Variants in DLK1 observed in about 807,000 individuals in gnomAD.
DLK1 encodes the protein delta like non-canonical Notch ligand 1.
DLK1 carries 9 observed loss-of-function variants against 35.2 expected under a neutral mutation model. The observed-to-expected ratio is 0.26, with a 90% CI of 0.15 to 0.45. DLK1 has a LOEUF of 0.45. Among genes scored for constraint, DLK1 ranks in the 20% least tolerant of loss-of-function variants. The pLI is 1.00. For synonymous variants in DLK1, 231 were observed against 228.4 expected, an observed-to-expected ratio of 1.01 and a Z score of -0.10; for missense variants, 522 against 528.5, an observed-to-expected ratio of 0.99 and a Z score of 0.12.
At position 100,726,995 on chromosome 14, in the gene DLK1, G is replaced by C; in HGVS notation, c.-74G>C. 7.1e-7 allele frequency: 1 copy of C among 1,416,764 alleles called. No homozygotes were observed. The highest frequency in any genetic ancestry group is 1.5e-5 in the South Asian group (1 of 68,474). The allele number at this position is 1,416,764 out of a possible 1,614,324, so 87.8% of individuals were successfully genotyped here. A position where few individuals can be genotyped will look rare whatever the true frequency, so the allele number is the denominator to read the frequency against. ...GCGCCCCCTTTCGCGTCCGCAACCA[G>C]AAGCCCAGTGCGGCGCCAGGAGCCG... On this transcript the variant is annotated 5_prime_UTR_variant, in exon 1 of 5. Transcript: ENST00000341267. This position sits in a 1 kb window ranked among gnomAD's most constrained non-coding sequence, Gnocchi z 4.2.
chr14:100,727,462 G>A (rs1012262311), intron 1 of DLK1, among the ~76,000 whole-genome samples: 3 of 152,174 alleles, frequency 2.0e-5, no homozygotes, highest in Non-Finnish European at 2.9e-5. Flanking sequence ...AAATACTCTG[G>A]GGTGCAACTT....
rs1474807731 is a variant in DLK1 at position 100,736,488 on chromosome 14, A to G, written c.*1592A>G. On this transcript the variant is annotated 3_prime_UTR_variant, in exon 5 of 5. Coordinates refer to ENST00000341267, the MANE Select transcript of DLK1 (RefSeq NM_003836.7). ...TCCATTGGTCACCTGCGCCATCGTCATGACACAATATCGACCTCATCACCT... is the reference window on the plus strand; with the variant it reads ...TCCATTGGTCACCTGCGCCATCGTCGTGACACAATATCGACCTCATCACCT... The G allele has an allele frequency of 6.6e-6, 1 of 152,102 alleles. No homozygotes were observed. The highest frequency in any genetic ancestry group is 1.5e-5 in the Non-Finnish European group (1 of 68,084). The allele number at this position is 152,102 out of a possible 1,614,324, so 9.4% of individuals were successfully genotyped here. A position where few individuals can be genotyped will look rare whatever the true frequency, so the allele number is the denominator to read the frequency against.
chr14:100,728,499 C>T (rs1347447367), intron 2 of DLK1, 40 bp downstream of exon 2: 3 of 1,609,870 alleles, frequency 1.9e-6, no homozygotes, highest in South Asian at 1.1e-5. Context: ...GTAGGGGCCA[C>T]GCAGAAGCCT....
chr14:100,734,334 C>T lies in DLK1; in HGVS notation c.590C>T (p.Pro197Leu). ...DIGGDFRCRC[P>L]AGFIDKTCSR... ...GGGGGCGACTTCCGCTGCCGGTGCC[C>T]AGCCGGCTTCATCGACAAGACCTGC... The change falls in exon 5 of 5, where the codon CCA becomes CTA. Residue 197 changes from proline (P) to leucine (L), a missense_variant. Coordinates refer to ENST00000341267, the MANE Select transcript of DLK1 (RefSeq NM_003836.7). The surrounding 1 kb of genome is among the most constrained non-coding windows in gnomAD (Gnocchi z 7.4). 1.2e-6 allele frequency: 2 copies of T among 1,612,992 alleles called. No individual in the cohort carries two copies. Among genetic ancestry groups the T allele is most frequent in the African/African-American group, 1.3e-5 (1 of 75,016 alleles).
intron 3 of DLK1, among the ~76,000 whole-genome samples, chr14:100,730,958 A>C (rs2036500247): frequency 6.8e-6 from 1 of 147,234 alleles, no homozygotes; most frequent in African/African-American, 2.5e-5. Context: ...AGCACGGGGG[A>C]TTTCCCCTCC....
intron 3 of DLK1, among the ~76,000 whole-genome samples, chr14:100,731,636 C>G (rs2036508298): frequency 6.6e-6 from 1 of 152,140 alleles, no homozygotes; most frequent in Non-Finnish European, 1.5e-5. Flanking sequence ...GCCAGGACCC[C>G]TCCCCTAACA....
rs2036589822 is a variant in DLK1, at chr14:100,737,731, C to G, written c.*2835C>G. The stretch of plus-strand genomic sequence containing the variant: ...GTCACATGCCGTGGGAGTGGAGGGT[C>G]TTGAGCAGACGCCTCCCTTGGAGAA... On this transcript the variant is annotated 3_prime_UTR_variant, in exon 5 of 5. Coordinates refer to ENST00000341267, the MANE Select transcript of DLK1 (RefSeq NM_003836.7). 6.6e-6 allele frequency: 1 copy of G among 152,202 alleles called. No homozygotes were observed. Among genetic ancestry groups the G allele is most frequent in the Admixed American group, 6.5e-5 (1 of 15,290 alleles). The allele number at this position is 152,202 out of a possible 1,614,324, so 9.4% of individuals were successfully genotyped here. A position where few individuals can be genotyped will look rare whatever the true frequency, so the allele number is the denominator to read the frequency against.
rs768199458 is a variant in DLK1, at chr14:100,734,348, G to T, written c.604G>T (p.Asp202Tyr). ...CTGCCGGTGCCCAGCCGGCTTCATC[G>T]ACAAGACCTGCAGCCGCCCGGTGAC... is the stretch of plus-strand genomic sequence containing the variant. Reference protein sequence around the residue: ...FRCRCPAGFIDKTCSRPVTNC... With the variant: ...FRCRCPAGFIYKTCSRPVTNC... Residue 202 changes from aspartate to tyrosine, a missense_variant, in exon 5 of 5, where the codon GAC (aspartate) becomes TAC (tyrosine). Coordinates refer to ENST00000341267, the MANE Select transcript of DLK1 (RefSeq NM_003836.7). This position sits in a 1 kb window ranked among gnomAD's most constrained non-coding sequence, Gnocchi z 7.4. 27 of 1,612,772 alleles carry T rather than the reference G, an allele frequency of 1.7e-5. No individual in the cohort carries two copies. Among genetic ancestry groups the T allele is most frequent in the Non-Finnish European group, 2.2e-5 (26 of 1,179,846 alleles).
chr14:100,728,632 G>GT (rs2036468105), intron 2 of DLK1, 173 bp downstream of exon 2: 3 of 258,960 alleles, frequency 1.2e-5, no homozygotes, highest in Admixed American at 4.5e-5. Flanking sequence ...GGCGGGGGGG[G>GT]GGCAGCCACA....
intron 1 of DLK1, among the ~76,000 whole-genome samples, chr14:100,727,542 A>T (rs964241553): frequency 1.3e-5 from 2 of 152,114 alleles, no homozygotes; most frequent in Non-Finnish European, 2.9e-5. Flanking sequence ...TTGCCGTCTT[A>T]GCCCCCAATT....
Position 100,734,644 on chromosome 14 carries a change from C to T in DLK1, c.900C>T (p.Thr300=), listed in dbSNP as rs142868728. The change falls in exon 5 of 5, where the codon ACC becomes ACT. Residue 300 remains threonine, a synonymous_variant. Coordinates refer to ENST00000341267, the MANE Select transcript of DLK1 (RefSeq NM_003836.7). The surrounding 1 kb of genome is among the most constrained non-coding windows in gnomAD (Gnocchi z 7.4). ...TCAACAAGAAAACCCCTCTCCTCAC[C>T]GAGGGCCAGGCCATCTGCTTCACCA... The part of the protein sequence containing the change: ...KELNKKTPLL[T]EGQAICFTIL... The T allele has an allele frequency of 8.5e-4, 1,376 of 1,613,976 alleles. 1 individual carries two copies. Among genetic ancestry groups the T allele is most frequent in the Non-Finnish European group, 1.0e-3 (1,239 of 1,180,020 alleles).
chr14:100,736,306 C>T lies in DLK1; in HGVS notation c.*1410C>T, dbSNP rs554758792. 1.3e-5 allele frequency: 2 copies of T among 151,932 alleles called. No homozygotes were observed. The highest frequency in any genetic ancestry group is 4.2e-4 in the South Asian group (2 of 4,816). 9.4% of individuals were successfully genotyped at this position (151,932 alleles called of 1,614,324 possible). A position where few individuals can be genotyped will look rare whatever the true frequency, so the allele number is the denominator to read the frequency against. On this transcript the variant is annotated 3_prime_UTR_variant, in exon 5 of 5. Transcript: ENST00000341267. ...TTGGGTACCAGATAGGAATATTTTG[C>T]TTCTTAGATTATTTGGATAAGAATC...
rs1369073673 is a variant in DLK1 at position 100,734,581 on chromosome 14, G to A, written c.837G>A (p.Gln279=). The A allele has an allele frequency of 3.7e-6, 6 of 1,613,658 alleles. No individual in the cohort carries two copies. The highest frequency in any genetic ancestry group is 1.1e-5 in the South Asian group (1 of 91,086). ...GGGTGCACGAGCTGCCGGTGCAGCAGCCGGAGCACCGCATCCTGAAGGTGT... is the reference window on the plus strand; with the variant it reads ...GGGTGCACGAGCTGCCGGTGCAGCAACCGGAGCACCGCATCCTGAAGGTGT... ...TPGVHELPVQ[Q]PEHRILKVSM... is the part of the protein sequence containing the mutation. Residue 279 remains glutamine, a synonymous_variant, in exon 5 of 5, where the codon CAG becomes CAA. Coordinates refer to ENST00000341267, the MANE Select transcript of DLK1 (RefSeq NM_003836.7). This position sits in a 1 kb window ranked among gnomAD's most constrained non-coding sequence, Gnocchi z 7.4.
In DLK1 at chr14:100,728,466, G is replaced by A. The variant is rs1192461509; in HGVS notation, c.131+7G>A. On this transcript the variant is annotated splice_region_variant and intron_variant, in intron 2 of 4. Transcript: ENST00000341267. Reference sequence around the variant, plus strand: ...AGGATGACAATGTTTGCAGGTAATAGAGTGGCTCCTCAGAGGCAGCTTGTA... The same window carrying A: ...AGGATGACAATGTTTGCAGGTAATAAAGTGGCTCCTCAGAGGCAGCTTGTA... 6.2e-7 allele frequency: 1 copy of A among 1,614,030 alleles called. No individual in the cohort carries two copies. Among genetic ancestry groups the A allele is most frequent in the East Asian group, 2.2e-5 (1 of 44,872 alleles).
rs572314059 is a variant in DLK1 at position 100,732,248 on chromosome 14, T to G, written c.404+65T>G. On this transcript the variant is annotated intron_variant, in intron 4 of 4. Coordinates refer to ENST00000341267, the MANE Select transcript of DLK1 (RefSeq NM_003836.7). ...TTTCATGCGGCCACCAAAGACCCTT[T>G]CAGCCTAACCCTGCTGGACCTGTCG... The G allele has an allele frequency of 2.0e-5, 31 of 1,571,872 alleles. 1 individual carries two copies. In the East Asian group the frequency reaches 6.9e-4, roughly 35 times the overall value.
Position 100,734,018 on chromosome 14 carries a change from C to T in DLK1, c.405-131C>T. On this transcript the variant is annotated intron_variant, in intron 4 of 4. Transcript: ENST00000341267. This position sits in a 1 kb window ranked among gnomAD's most constrained non-coding sequence, Gnocchi z 7.4. ...GCTGGCGTTCCCTCCCTCGCTCCCT[C>T]ATTCACCTGATGTGTTTTAAGCACC... 1.5e-5 allele frequency: 18 copies of T among 1,218,936 alleles called. 1 individual carries two copies. The highest frequency in any genetic ancestry group is 2.0e-5 in the Non-Finnish European group (18 of 919,068). 75.5% of individuals were successfully genotyped at this position (1,218,936 alleles called of 1,614,324 possible). A position where few individuals can be genotyped will look rare whatever the true frequency, so the allele number is the denominator to read the frequency against.
rs1345780086 is a variant in DLK1 at position 100,734,206 on chromosome 14, C to A, written c.462C>A (p.Ala154=). The change falls in exon 5 of 5, where the codon GCC becomes GCA. Residue 154 remains alanine (A), a synonymous_variant. Coordinates refer to ENST00000341267, the MANE Select transcript of DLK1 (RefSeq NM_003836.7). The surrounding 1 kb of genome is among the most constrained non-coding windows in gnomAD (Gnocchi z 7.4). ...CVDDEGRASH[A]SCLCPPGFSG... is the part of the protein sequence containing the mutation. Reference sequence around the variant, plus strand: ...ATGATGAGGGCCGGGCCTCCCATGCCTCCTGCCTGTGCCCCCCTGGCTTCT... The same window carrying A: ...ATGATGAGGGCCGGGCCTCCCATGCATCCTGCCTGTGCCCCCCTGGCTTCT... 6.2e-7 allele frequency: 1 copy of A among 1,613,136 alleles called. No homozygotes were observed. The highest frequency in any genetic ancestry group is 8.5e-7 in the Non-Finnish European group (1 of 1,179,988).
At chr14:100,731,397 C>T (rs2036505105) in intron 3 of DLK1, among the ~76,000 whole-genome samples, 2 of 152,196 alleles carry the variant, frequency 1.3e-5, no homozygotes, top group African/African-American at 2.4e-5. Context: ...TTCTAATTTC[C>T]CTGGCTTTAA....
At chr14:100,731,310 T>A (rs1250780778) in intron 3 of DLK1, among the ~76,000 whole-genome samples, 1 of 152,060 alleles carries the variant, frequency 6.6e-6, no homozygotes, top group Non-Finnish European at 1.5e-5. Flanking sequence ...GAAGTGTGCG[T>A]GATGGAAGGT....
Sources: gnomAD v4.1 joint callset for allele counts (sites outside exome capture counted in the v4.1 genomes callset) on GRCh38, gnomAD v4.1.1 for gene constraint, Gnocchi (gnomAD v3.1) non-coding constraint, MANE v1.5 for transcripts, NCBI Gene and HGNC (gene_info 2026-07-23, HGNC 2026-07-21) for gene names.